Variants in CIITA observed in about 807,000 individuals in gnomAD.
CIITA encodes the protein class II major histocompatibility complex transactivator, also known as MHC class II transactivator.
A neutral mutation model predicts 115.1 loss-of-function variants in CIITA; 72 were observed. The observed-to-expected ratio is 0.63, with a 90% confidence interval of 0.52 to 0.76. CIITA has a LOEUF of 0.76. CIITA is among the 30% of genes least tolerant of loss of function. CIITA has a pLI of 0.00. For missense variants in CIITA, 1,617 were observed against 1,463.8 expected (o/e 1.10, Z -1.71); for synonymous variants, 763 against 635.6 (o/e 1.20, Z -3.02).
At chr16:10,866,454 G>A (rs1209967669) in intron 1 of CIITA, 1 of 566,536 alleles carries the variant, frequency 1.8e-6, no homozygotes. Flanking sequence ...CTCTGGCCAG[G>A]AAGATCTCTT....
At chr16:10,909,214 GTTCA>G (rs769008140) in intron 12 of CIITA, 27 bp downstream of exon 12, 8 of 1,612,108 alleles carry the variant, frequency 5.0e-6, no homozygotes, top group Non-Finnish European at 6.8e-6. Flanking sequence ...ATGGGAGGTG[GTTCA>G]CGCCATGCAG....
At chr16:10,919,134 C>A (rs556872183) in intron 16 of CIITA, among the ~76,000 whole-genome samples, 18 of 152,252 alleles carry the variant, frequency 1.2e-4, no homozygotes, top group Non-Finnish European at 1.9e-4. Flanking sequence ...TGAGGACAAC[C>A]AGAGTCAGAT....
intron 7 of CIITA, 51 bp from the exon 8 acceptor site, chr16:10,902,607 C>T (rs1397031095): frequency 5.0e-6 from 8 of 1,612,746 alleles, no homozygotes; most frequent in Non-Finnish European, 6.8e-6. Context: ...AGCAGAATCG[C>T]AAACACAGGT....
In CIITA at chr16:10,918,443, G is replaced by C. The variant is rs775514166; in HGVS notation, c.3066G>C (p.Leu1022=). The C allele has an allele frequency of 6.2e-7, 1 of 1,613,984 alleles. No homozygotes were observed. The change falls in exon 16 of 20, where the codon CTG becomes CTC. Residue 1022 remains leucine, a synonymous_variant. Transcript: ENST00000324288. Reference sequence around the variant, plus strand: ...CCCCCTCACTGTGTCCCCGCAGTCTGTCCCAGAACAACATCACTGACCTGG... The same window carrying C: ...CCCCCTCACTGTGTCCCCGCAGTCTCTCCCAGAACAACATCACTGACCTGG... ...PQLKSLETLN[L]SQNNITDLGA... is the part of the protein sequence containing the mutation.
chr16:10,916,392 A>G lies in CIITA; in HGVS notation c.2995A>G (p.Ile999Val), dbSNP rs1226196860. The change falls in exon 15 of 20, where the codon ATC becomes GTC. Residue 999 changes from isoleucine (I) to valine (V), a missense_variant. Transcript: ENST00000324288. ...LDLDALSENK[I>V]GDEGVSQLSA... is the part of the protein sequence containing the mutation. ...CCTGGATGCGCTGAGTGAGAACAAGATCGGGGACGAGGGTGTCTCGCAGCT... is the reference window on the plus strand; with the variant it reads ...CCTGGATGCGCTGAGTGAGAACAAGGTCGGGGACGAGGGTGTCTCGCAGCT... The G allele has an allele frequency of 1.2e-6, 2 of 1,613,878 alleles. No homozygotes were observed. Among genetic ancestry groups the G allele is most frequent in the Non-Finnish European group, 1.7e-6 (2 of 1,179,926 alleles).
chr16:10,866,522 G>A, intron 1 of CIITA: 1 of 555,056 alleles, frequency 1.8e-6, no homozygotes, highest in Non-Finnish European at 3.5e-6. Context: ...GCCCGGAGTG[G>A]GCTGCAGCCC....
chr16:10,885,438 G>T (rs1207073686), intron 1 of CIITA, among the ~76,000 whole-genome samples: 2 of 152,160 alleles, frequency 1.3e-5, no homozygotes, highest in African/African-American at 4.8e-5. Flanking sequence ...AGGCCCATAA[G>T]CCCCTGAGCA....
At chr16:10,869,557 G>A (rs780017865) in intron 1 of CIITA, among the ~76,000 whole-genome samples, 9 of 147,122 alleles carry the variant, frequency 6.1e-5, no homozygotes, top group Admixed American at 2.7e-4. Flanking sequence ...TTGCTCTATC[G>A]CCCAGCCTGG....
chr16:10,876,635 C>G (rs199476055), upstream of CIITA, among the ~76,000 whole-genome samples: 1 of 152,158 alleles, frequency 6.6e-6, no homozygotes, highest in East Asian at 1.9e-4. Flanking sequence ...GCGGGTCACC[C>G]CAAACCATCT....
At position 10,941,508 on chromosome 16, in the gene CIITA, T is replaced by TC; in HGVS notation, n.636dup. 7.3e-7 allele frequency: 1 copy of TC among 1,372,650 alleles called. No homozygotes were observed. Among genetic ancestry groups the TC allele is most frequent in the Non-Finnish European group, 9.4e-7 (1 of 1,058,626 alleles). The allele number at this position is 1,372,650 out of a possible 1,614,324, so 85.0% of individuals were successfully genotyped here. A position where few individuals can be genotyped will look rare whatever the true frequency, so the allele number is the denominator to read the frequency against. ...AGGGGTGTGTATCCGGCCTGGGAAT[T>TC]CCTCCCTCTCCCTTGCTAGCGCCCC... On this transcript the variant is annotated non_coding_transcript_exon_variant, in exon 2 of 2. Coordinates refer to the CIITA transcript ENST00000573379. The surrounding 1 kb of genome is among the most constrained non-coding windows in gnomAD (Gnocchi z 6.4).
In CIITA at chr16:10,929,555, C is replaced by T; in HGVS notation, c.*5700C>T. ...GTTGGCACGAAGCTTTTGAGGGGAG[C>T]AGGTCTAACAAGAAGGAAAAAGGGG... On this transcript the variant is annotated 3_prime_UTR_variant, in exon 20 of 20. Coordinates refer to ENST00000324288, the MANE Select transcript of CIITA (RefSeq NM_000246.4). This position sits in a 1 kb window ranked among gnomAD's most constrained non-coding sequence, Gnocchi z 4.3. 1.0e-6 allele frequency: 1 copy of T among 985,440 alleles called. No homozygotes were observed. The highest frequency in any genetic ancestry group is 1.2e-6 in the Non-Finnish European group (1 of 829,968). The allele number at this position is 985,440 out of a possible 1,614,324, so 61.0% of individuals were successfully genotyped here.
chr16:10,904,598 T>G, intron 9 of CIITA, 146 bp from the exon 10 acceptor site: 1 of 776,612 alleles, frequency 1.3e-6, no homozygotes, highest in South Asian at 1.5e-5. Context: ...ATATTTGAGT[T>G]AGATACAGCC....
At chr16:10,939,646 A>G (rs2041074587), downstream of CIITA, 1 of 152,246 alleles carries the variant, frequency 6.6e-6, no homozygotes, top group Non-Finnish European at 1.5e-5. The surrounding 1 kb of genome is among the most constrained non-coding windows in gnomAD (Gnocchi z 4.9). Context: ...CTGACCCCTC[A>G]GCTAAAGCAG....
At chr16:10,940,174 T>A (rs1168261587), downstream of CIITA, 4 of 152,256 alleles carry the variant, frequency 2.6e-5, no homozygotes, top group Admixed American at 6.5e-5. This position sits in a 1 kb window ranked among gnomAD's most constrained non-coding sequence, Gnocchi z 4.2. Context: ...TGCAACAGAC[T>A]CAATGTTTGT....
chr16:10,876,197 T>C (rs1342121762), upstream of CIITA, among the ~76,000 whole-genome samples: 1 of 151,866 alleles, frequency 6.6e-6, no homozygotes, highest in Non-Finnish European at 1.5e-5. Flanking sequence ...CAACAATTTG[T>C]AGACATAGGG....
upstream of CIITA, chr16:10,877,198 G>A (rs1044880679): frequency 6.5e-6 from 5 of 768,706 alleles, no homozygotes; most frequent in Admixed American, 4.0e-5. Context: ...ACTGGTGACT[G>A]GTTAGTGATG....
At chr16:10,870,249 A>T in intron 1 of CIITA, among the ~76,000 whole-genome samples, 1 of 149,548 alleles carries the variant, frequency 6.7e-6, no homozygotes, top group East Asian at 2.0e-4. Context: ...CCGTAAATCT[A>T]CCCCAAATAG....
Position 10,901,571 on chromosome 16 carries a change from G to T in CIITA, c.481+13G>T. The T allele has an allele frequency of 6.2e-7, 1 of 1,613,618 alleles. No homozygotes were observed. Among genetic ancestry groups the T allele is most frequent in the Non-Finnish European group, 8.5e-7 (1 of 1,179,850 alleles). On this transcript the variant is annotated intron_variant, in intron 6 of 19. Coordinates refer to ENST00000324288, the MANE Select transcript of CIITA (RefSeq NM_000246.4). This position sits in a 1 kb window ranked among gnomAD's most constrained non-coding sequence, Gnocchi z 6.8. ...CACTGGAAGCCAGGTGTGCAGGGCAGGTGGGCTGGGGTTGGGAAGGGTGGA... is the reference window on the plus strand; with the variant it reads ...CACTGGAAGCCAGGTGTGCAGGGCATGTGGGCTGGGGTTGGGAAGGGTGGA...
intron 1 of CIITA, among the ~76,000 whole-genome samples, chr16:10,886,261 G>T (rs1284502116): frequency 6.6e-6 from 1 of 151,900 alleles, no homozygotes; most frequent in South Asian, 2.1e-4. Flanking sequence ...TTTGCATTCT[G>T]TACTATGTTT....
Sources: gnomAD v4.1 joint callset for allele counts (sites outside exome capture counted in the v4.1 genomes callset) on GRCh38, gnomAD v4.1.1 for gene constraint, Gnocchi (gnomAD v3.1) non-coding constraint, MANE v1.5 for transcripts, NCBI Gene and HGNC (gene_info 2026-07-23, HGNC 2026-07-21) for gene names.